Variants in FAM185A observed in about 807,000 individuals in gnomAD.
FAM185A encodes the protein family with sequence similarity 185 member A.
FAM185A carries 21 observed loss-of-function variants against 45.7 expected under a neutral mutation model. The ratio of observed to expected loss-of-function variants is 0.46; its 90% CI spans 0.33 to 0.66. FAM185A has a LOEUF of 0.66. Among genes scored for constraint, FAM185A ranks in the 30% least tolerant of loss-of-function variants. The pLI is 0.03. For synonymous variants in FAM185A, 117 were observed against 194.0 expected (o/e 0.60, Z 3.30); for missense variants, 305 against 485.4 (o/e 0.63, Z 3.49).
At chr7:102,841,467 C>T in the FAM185A span, among the ~76,000 whole-genome samples, 3 of 152,134 alleles carry the variant, frequency 2.0e-5, no homozygotes, top group Non-Finnish European at 4.4e-5. Context: ...GTGGTTCTTC[C>T]CCAATGGGAG....
At chr7:102,790,634 A>G (rs1796087792) in intron 7 of FAM185A, among the ~76,000 whole-genome samples, 1 of 152,246 alleles carries the variant, frequency 6.6e-6, no homozygotes, top group Non-Finnish European at 1.5e-5. Context: ...ATAGAATCAT[A>G]TGCCTTTCTA....
chr7:102,807,017 A>G (rs556019899), intron 7 of FAM185A, among the ~76,000 whole-genome samples: 2 of 152,332 alleles, frequency 1.3e-5, no homozygotes, highest in African/African-American at 2.4e-5. Context: ...AACTACCTAT[A>G]CATGGTCCAC....
chr7:102,822,050 T>A, the FAM185A span: 3 of 1,614,196 alleles, frequency 1.9e-6, no homozygotes, highest in East Asian at 4.5e-5. Context: ...TTGGAAATAT[T>A]TGTGCAGTAT....
At chr7:102,830,135 G>C in the FAM185A span, among the ~76,000 whole-genome samples, 1 of 152,080 alleles carries the variant, frequency 6.6e-6, no homozygotes, top group Non-Finnish European at 1.5e-5. Context: ...CTTAGCTTCT[G>C]GGCTGCAAGA....
chr7:102,772,674 G>GA (rs1242822586), intron 5 of FAM185A, among the ~76,000 whole-genome samples: 10 of 139,986 alleles, frequency 7.1e-5, no homozygotes, highest in Admixed American at 1.4e-4. Flanking sequence ...CTTCTCTGAA[G>GA]AAAAAAAAAA....
chr7:102,790,387 C>T (rs1796076019), intron 7 of FAM185A, among the ~76,000 whole-genome samples: 1 of 152,144 alleles, frequency 6.6e-6, no homozygotes, highest in African/African-American at 2.4e-5. Context: ...TTGACTGAAA[C>T]ATAATTATGC....
chr7:102,820,767 T>C, the FAM185A span, among the ~76,000 whole-genome samples: 1 of 152,228 alleles, frequency 6.6e-6, no homozygotes, highest in East Asian at 1.9e-4. Flanking sequence ...ACTCCCATGA[T>C]AACTAACTCA....
chr7:102,815,205 G>A, the FAM185A span, among the ~76,000 whole-genome samples: 1 of 152,064 alleles, frequency 6.6e-6, no homozygotes, highest in Non-Finnish European at 1.5e-5. Context: ...CTCAAACCCA[G>A]TCTTCTCCTC....
At chr7:102,755,568 AC>A in intron 2 of FAM185A, 1 of 627,952 alleles carries the variant, frequency 1.6e-6, no homozygotes, top group Non-Finnish European at 2.9e-6. Flanking sequence ...TAACACCATC[AC>A]CACCTTTGTG....
chr7:102,788,515 G>C (rs1795955027), intron 7 of FAM185A, among the ~76,000 whole-genome samples: 2 of 151,362 alleles, frequency 1.3e-5, no homozygotes, highest in Admixed American at 1.3e-4. Flanking sequence ...AAAGTTGTCT[G>C]TTAAAATTCA....
chr7:102,786,390 C>G (rs1352421100), intron 6 of FAM185A, among the ~76,000 whole-genome samples: 1 of 152,122 alleles, frequency 6.6e-6, no homozygotes, highest in Non-Finnish European at 1.5e-5. Context: ...GTATGTTTAT[C>G]GTGGCACTAT....
chr7:102,785,168 T>G (rs1245463220), intron 6 of FAM185A, among the ~76,000 whole-genome samples: 2 of 151,746 alleles, frequency 1.3e-5, no homozygotes, highest in Admixed American at 6.6e-5. Context: ...CACTGCTCAA[T>G]GAAATAAAAG....
chr7:102,785,591 A>G (rs1202356646), intron 6 of FAM185A, among the ~76,000 whole-genome samples: 1 of 151,330 alleles, frequency 6.6e-6, no homozygotes, highest in Non-Finnish European at 1.5e-5. Context: ...AGGATTCCCT[A>G]TTTAATAAAT....
chr7:102,781,581 A>G (rs1795411227), intron 6 of FAM185A, among the ~76,000 whole-genome samples: 1 of 152,202 alleles, frequency 6.6e-6, no homozygotes. Context: ...ACTCCAACAG[A>G]CCTGCAGCTG....
chr7:102,751,573 G>A, intron 1 of FAM185A, 119 bp from the exon 2 acceptor site: 1 of 1,220,182 alleles, frequency 8.2e-7, no homozygotes, highest in South Asian at 2.0e-5. Context: ...TTTACAGTAT[G>A]CACTTTCCAG....
the FAM185A span, chr7:102,832,885 A>G: frequency 6.2e-7 from 1 of 1,614,194 alleles, no homozygotes; most frequent in Non-Finnish European, 8.5e-7. Flanking sequence ...TAATGCAGTA[A>G]ATGGCCAGTG....
intron 7 of FAM185A, among the ~76,000 whole-genome samples, chr7:102,807,070 G>T (rs1176730059): frequency 6.6e-6 from 1 of 151,942 alleles, no homozygotes; most frequent in Admixed American, 6.6e-5. Flanking sequence ...GAAAGAAGAC[G>T]GATTTTTTTA....
the FAM185A span, among the ~76,000 whole-genome samples, chr7:102,842,158 C>G: frequency 6.6e-6 from 1 of 152,182 alleles, no homozygotes; most frequent in African/African-American, 2.4e-5. Flanking sequence ...TTCCACCTCC[C>G]CATACAAGAG....
the FAM185A span, among the ~76,000 whole-genome samples, chr7:102,850,479 A>G: frequency 6.6e-6 from 1 of 152,206 alleles, no homozygotes; most frequent in Non-Finnish European, 1.5e-5. Flanking sequence ...CCCAGTATTA[A>G]AAATGTTAAT....
Sources: allele counts gnomAD v4.1 joint callset (sites outside exome capture counted in the v4.1 genomes callset), GRCh38; gene constraint gnomAD v4.1.1; transcripts MANE v1.5; gene names NCBI Gene and HGNC (gene_info 2026-07-23, HGNC 2026-07-21).